Variants in HYCC1 observed in about 807,000 individuals in gnomAD.
The protein encoded by HYCC1 is hyccin PI4KA lipid kinase complex subunit 1.
the HYCC1 span, chr7:22,964,661 T>C: frequency 9.3e-6 from 6 of 647,866 alleles, no homozygotes; most frequent in Non-Finnish European, 1.7e-5. Flanking sequence ...ACAAAGAATC[T>C]TTCCAAACAG....
chr7:23,013,300 G>A, the HYCC1 span, among the ~76,000 whole-genome samples: 2 of 152,372 alleles, frequency 1.3e-5, no homozygotes, highest in East Asian at 1.9e-4. Flanking sequence ...AATAACCAAG[G>A]AAGGAAGCGT....
the HYCC1 span, chr7:22,941,069 T>C: frequency 6.6e-6 from 1 of 152,150 alleles, no homozygotes; most frequent in Non-Finnish European, 1.5e-5. Context: ...AGTGGACCTG[T>C]CATACTCCTC....
At chr7:22,974,462 CATCTTA>C in the HYCC1 span, among the ~76,000 whole-genome samples, 1 of 152,070 alleles carries the variant, frequency 6.6e-6, no homozygotes, top group Admixed American at 6.5e-5. Flanking sequence ...AAGCAAAAAA[CATCTTA>C]GAACGACTTG....
chr7:22,968,594 C>T, the HYCC1 span, among the ~76,000 whole-genome samples: 1 of 152,094 alleles, frequency 6.6e-6, no homozygotes, highest in African/African-American at 2.4e-5. Flanking sequence ...CCCAATATGG[C>T]CCTATAGGGG....
the HYCC1 span, among the ~76,000 whole-genome samples, chr7:22,958,698 C>T: frequency 6.6e-6 from 1 of 151,904 alleles, no homozygotes; most frequent in Admixed American, 6.6e-5. Flanking sequence ...GGGTACAGAC[C>T]TCCTTGTTTA....
At chr7:22,930,471 T>C in the HYCC1 span, among the ~76,000 whole-genome samples, 1 of 142,624 alleles carries the variant, frequency 7.0e-6, no homozygotes, top group African/African-American at 2.6e-5. Context: ...AAACTAGTAA[T>C]CAAAAAAAAC....
chr7:22,976,153 A>C, the HYCC1 span: 1 of 1,045,692 alleles, frequency 9.6e-7, no homozygotes, highest in South Asian at 1.3e-5. Context: ...TATGTACCAG[A>C]CTAGCAATCA....
chr7:23,000,232 T>TC, the HYCC1 span, among the ~76,000 whole-genome samples: 1 of 152,150 alleles, frequency 6.6e-6, no homozygotes, highest in Non-Finnish European at 1.5e-5. Context: ...CAAACTTTTT[T>TC]CTACACATAT....
At chr7:22,931,398 G>C in the HYCC1 span, among the ~76,000 whole-genome samples, 11 of 152,098 alleles carry the variant, frequency 7.2e-5, no homozygotes, top group African/African-American at 2.7e-4. Context: ...AAGCCACAGA[G>C]TTTGAGGTAA....
At chr7:22,913,379 T>C in the HYCC1 span, among the ~76,000 whole-genome samples, 1 of 152,200 alleles carries the variant, frequency 6.6e-6, no homozygotes, top group Non-Finnish European at 1.5e-5. Context: ...TCAAAGAATG[T>C]CCTGCCAAAA....
At chr7:22,927,137 G>C in the HYCC1 span, among the ~76,000 whole-genome samples, 2 of 152,118 alleles carry the variant, frequency 1.3e-5, no homozygotes, top group Non-Finnish European at 1.5e-5. Context: ...AAACCAACGA[G>C]AACAAAGATA....
the HYCC1 span, among the ~76,000 whole-genome samples, chr7:22,957,325 G>T: frequency 6.8e-6 from 1 of 146,916 alleles, no homozygotes; most frequent in Non-Finnish European, 1.5e-5. Flanking sequence ...AAGCAAAAAG[G>T]AAAGTTTTAC....
the HYCC1 span, among the ~76,000 whole-genome samples, chr7:23,013,420 A>G: frequency 6.6e-6 from 1 of 152,242 alleles, no homozygotes; most frequent in Non-Finnish European, 1.5e-5. Context: ...TGTGGCCACC[A>G]GACCGGACGG....
the HYCC1 span, among the ~76,000 whole-genome samples, chr7:22,923,814 A>C: frequency 6.6e-6 from 1 of 152,048 alleles, no homozygotes; most frequent in Non-Finnish European, 1.5e-5. Flanking sequence ...GATAACCTAG[A>C]TGAAATGGAC....
the HYCC1 span, chr7:22,977,201 A>T: frequency 1.5e-6 from 1 of 659,696 alleles, no homozygotes; most frequent in South Asian, 1.7e-5. Context: ...CAATTTGGAA[A>T]TAGTAAATAC....
At chr7:22,908,779 T>G in the HYCC1 span, among the ~76,000 whole-genome samples, 1 of 151,618 alleles carries the variant, frequency 6.6e-6, no homozygotes, top group African/African-American at 2.4e-5. Context: ...AAGAATGACT[T>G]TGTTTACCTG....
At chr7:22,988,983 A>G in the HYCC1 span, among the ~76,000 whole-genome samples, 1 of 152,152 alleles carries the variant, frequency 6.6e-6, no homozygotes, top group African/African-American at 2.4e-5. Flanking sequence ...CCAAACCAGG[A>G]GGGGAAGGGA....
the HYCC1 span, among the ~76,000 whole-genome samples, chr7:22,970,385 C>G: frequency 6.6e-6 from 1 of 152,208 alleles, no homozygotes; most frequent in East Asian, 1.9e-4. Flanking sequence ...CTATCATTCA[C>G]TCATTCAACA....
the HYCC1 span, among the ~76,000 whole-genome samples, chr7:22,896,950 C>T: frequency 1.3e-5 from 2 of 151,966 alleles, no homozygotes; most frequent in African/African-American, 4.8e-5. Flanking sequence ...CAGAAACAAT[C>T]AATGGGAGAA....
Sources: gnomAD v4.1 joint callset for allele counts (sites outside exome capture counted in the v4.1 genomes callset) on GRCh38, gnomAD v4.1.1 for gene constraint, MANE v1.5 for transcripts, NCBI Gene and HGNC (gene_info 2026-07-23, HGNC 2026-07-21) for gene names.